IQSEC1: variants seen among roughly 807,000 people sequenced by gnomAD.
IQSEC1 encodes the protein IQ motif and Sec7 domain ArfGEF 1, also known as IQ motif and SEC7 domain-containing protein 1.
Under a neutral mutation model 91.0 loss-of-function variants are expected in IQSEC1, and 31 were observed. The ratio of observed to expected loss-of-function variants is 0.34; its 90% CI spans 0.26 to 0.46. The LOEUF is 0.46. Among genes scored for constraint, IQSEC1 ranks in the 20% least tolerant of loss-of-function variants. IQSEC1 has a pLI of 1.00. For synonymous variants in IQSEC1, 699 were observed against 662.6 expected, an observed-to-expected ratio of 1.05 and a Z score of -0.84; for missense variants, 1,388 against 1,575.6, an observed-to-expected ratio of 0.88 and a Z score of 2.02.
chr3:13,258,838 G>T (rs993037481), intron 1 of IQSEC1, among the ~76,000 whole-genome samples: 1 of 152,082 alleles, frequency 6.6e-6, no homozygotes, highest in East Asian at 1.9e-4. Context: ...ACCCCACAGG[G>T]GCTGGCACCA....
In IQSEC1 at chr3:12,908,078, C is replaced by T. The variant is rs1695176538; in HGVS notation, c.2755+271G>A. Among the ~76,000 whole-genome samples, 1 of 152,242 alleles carries T rather than the reference C, an allele frequency of 6.6e-6. No homozygotes were observed. Among genetic ancestry groups the T allele is most frequent in the African/African-American group, 2.4e-5 (1 of 41,470 alleles). ...ATCAATAAACAAGTAAATAAAACCC[C>T]TGGAAGAAGAAAGGGAAAATGGGGG... On this transcript the variant is annotated intron_variant, in intron 12 of 13. Transcript: ENST00000613206. This position sits in a 1 kb window ranked among gnomAD's most constrained non-coding sequence, Gnocchi z 4.9.
At chr3:13,105,061 A>T (rs530599222) in intron 2 of IQSEC1, among the ~76,000 whole-genome samples, 1 of 152,324 alleles carries the variant, frequency 6.6e-6, no homozygotes, top group Non-Finnish European at 1.5e-5. Context: ...GGCCAGGGGC[A>T]GTCTGTCGGC....
chr3:13,180,038 C>T (rs1293391563), intron 1 of IQSEC1, among the ~76,000 whole-genome samples: 6 of 152,182 alleles, frequency 3.9e-5, no homozygotes, highest in South Asian at 2.1e-4. Flanking sequence ...GCCTCCCCGA[C>T]GAGCACCGCA....
intron 1 of IQSEC1, among the ~76,000 whole-genome samples, chr3:13,194,051 G>A (rs1028727097): frequency 1.3e-5 from 2 of 152,156 alleles, no homozygotes; most frequent in African/African-American, 2.4e-5. Context: ...TCTTCCCTCT[G>A]TGTGTGTCTG....
chr3:12,945,639 T>C (rs1699132782), intron 1 of IQSEC1, among the ~76,000 whole-genome samples: 1 of 151,988 alleles, frequency 6.6e-6, no homozygotes, highest in South Asian at 2.1e-4. Flanking sequence ...TCAGCAAACG[T>C]GGACAAAAGT....
intron 1 of IQSEC1, among the ~76,000 whole-genome samples, chr3:13,191,304 C>A (rs1694025703): frequency 6.6e-6 from 1 of 152,166 alleles, no homozygotes; most frequent in African/African-American, 2.4e-5. Flanking sequence ...CAGAGCTGGG[C>A]ACAGGCTGGG....
chr3:12,931,605 T>C (rs1697683394), intron 3 of IQSEC1, among the ~76,000 whole-genome samples: 1 of 152,202 alleles, frequency 6.6e-6, no homozygotes, highest in Non-Finnish European at 1.5e-5. Flanking sequence ...AGCTGGAGCA[T>C]GCAGATCAGG....
intron 1 of IQSEC1, among the ~76,000 whole-genome samples, chr3:13,192,467 A>C (rs1263661241): frequency 6.6e-6 from 1 of 152,128 alleles, no homozygotes; most frequent in Non-Finnish European, 1.5e-5. Context: ...GGAAGTTTGG[A>C]CAGAGATGCA....
intron 1 of IQSEC1, among the ~76,000 whole-genome samples, chr3:13,225,818 T>C (rs75950813): frequency 2.0e-5 from 3 of 152,190 alleles, no homozygotes; most frequent in Non-Finnish European, 4.4e-5. Flanking sequence ...TTGATGATCT[T>C]GCACCTTGCA....
chr3:12,928,856 G>A (rs1255541680), intron 3 of IQSEC1, among the ~76,000 whole-genome samples: 1 of 152,140 alleles, frequency 6.6e-6, no homozygotes, highest in Admixed American at 6.5e-5. Flanking sequence ...ACTGAACTGT[G>A]AGCTGAGGGG....
chr3:13,096,864 C>CTTTT (rs71066943), intron 2 of IQSEC1, among the ~76,000 whole-genome samples: 3 of 142,438 alleles, frequency 2.1e-5, no homozygotes, highest in South Asian at 2.2e-4. Flanking sequence ...TTCTTTCTTT[C>CTTTT]TTTTTTTTTT....
chr3:13,021,665 C>T (rs896803917), intron 1 of IQSEC1, among the ~76,000 whole-genome samples: 1 of 152,206 alleles, frequency 6.6e-6, no homozygotes, highest in Admixed American at 6.5e-5. Context: ...CTACACCAAG[C>T]GCTGAAGGGA....
At chr3:12,993,220 G>A (rs1702069218) in intron 1 of IQSEC1, among the ~76,000 whole-genome samples, 1 of 152,210 alleles carries the variant, frequency 6.6e-6, no homozygotes, top group African/African-American at 2.4e-5. Flanking sequence ...CCAAGACTGA[G>A]AACCAGTCTC....
chr3:13,046,368 G>T (rs958344513), intron 1 of IQSEC1, among the ~76,000 whole-genome samples: 1 of 152,316 alleles, frequency 6.6e-6, no homozygotes, highest in East Asian at 1.9e-4. Context: ...AGGAGCGCAC[G>T]CGGCGGGGCT....
At chr3:13,185,285 G>A (rs765798277) in intron 1 of IQSEC1, among the ~76,000 whole-genome samples, 7 of 152,262 alleles carry the variant, frequency 4.6e-5, no homozygotes, top group Admixed American at 6.5e-5. Context: ...CCACTATTCC[G>A]TCAGGTCTCC....
intron 2 of IQSEC1, among the ~76,000 whole-genome samples, chr3:13,121,912 GC>G (rs1215435296): frequency 1.3e-5 from 2 of 152,252 alleles, no homozygotes; most frequent in African/African-American, 4.8e-5. Context: ...GACGGCCACG[GC>G]AGTGGGAGGC....
At chr3:13,070,131 G>A (rs376221149) in intron 1 of IQSEC1, among the ~76,000 whole-genome samples, 2 of 152,246 alleles carry the variant, frequency 1.3e-5, no homozygotes, top group East Asian at 3.9e-4. Context: ...GGCTCCACTA[G>A]GCTGAGGATA....
chr3:13,148,748 T>A (rs1202349993), intron 2 of IQSEC1, among the ~76,000 whole-genome samples: 1 of 152,254 alleles, frequency 6.6e-6, no homozygotes, highest in African/African-American at 2.4e-5. Flanking sequence ...TCTGAGTTTG[T>A]TGTCCTCACT....
intron 2 of IQSEC1, among the ~76,000 whole-genome samples, chr3:13,114,788 G>A (rs1335620441): frequency 6.1e-5 from 7 of 114,690 alleles, no homozygotes; most frequent in Non-Finnish European, 9.9e-5. Flanking sequence ...GTGAGACATC[G>A]TCTCAAAAAA....
Sources: allele counts gnomAD v4.1 joint callset (sites outside exome capture counted in the v4.1 genomes callset), GRCh38; gene constraint gnomAD v4.1.1; non-coding constraint Gnocchi (gnomAD v3.1); transcripts MANE v1.5; gene names NCBI Gene and HGNC (gene_info 2026-07-23, HGNC 2026-07-21).